PFKFB3: variants seen among roughly 807,000 people sequenced by gnomAD.
The protein encoded by PFKFB3 is 6-phosphofructo-2-kinase/fructose-2,6-biphosphatase 3.
Under a neutral mutation model 68.0 loss-of-function variants are expected in PFKFB3, and 33 were observed. The observed-to-expected ratio is 0.49, with a 90% CI of 0.37 to 0.65. PFKFB3 has a LOEUF of 0.65. Among genes scored for constraint, PFKFB3 ranks in the 30% least tolerant of loss-of-function variants. PFKFB3 has a pLI of 0.00. For missense variants in PFKFB3, 586 were observed against 712.2 expected (o/e 0.82, Z 2.02); for synonymous variants, 315 against 288.2 (o/e 1.09, Z -0.94).
the PFKFB3 span, among the ~76,000 whole-genome samples, chr10:6,305,175 A>T: frequency 2.3e-4 from 32 of 137,314 alleles, no homozygotes; most frequent in Non-Finnish European, 4.1e-4. Context: ...GTAAATTAAA[A>T]ATATTAGGAA....
chr10:6,191,655 G>T (rs1204398966), intron 1 of PFKFB3, among the ~76,000 whole-genome samples: 1 of 152,198 alleles, frequency 6.6e-6, no homozygotes, highest in African/African-American at 2.4e-5. Context: ...TGTTGGGGAA[G>T]TCCCTCTGGA....
At chr10:6,280,663 G>T in the PFKFB3 span, among the ~76,000 whole-genome samples, 1 of 152,170 alleles carries the variant, frequency 6.6e-6, no homozygotes, top group Non-Finnish European at 1.5e-5. Flanking sequence ...ATAGAGAGGG[G>T]CATGAGGCTC....
chr10:6,277,960 A>G, the PFKFB3 span, among the ~76,000 whole-genome samples: 1 of 151,148 alleles, frequency 6.6e-6, no homozygotes, highest in African/African-American at 2.4e-5. Flanking sequence ...CTCTGTCATC[A>G]AGCTGGAGTG....
intron 1 of PFKFB3, among the ~76,000 whole-genome samples, chr10:6,159,220 C>A (rs1841897998): frequency 6.6e-6 from 1 of 151,762 alleles, no homozygotes; most frequent in African/African-American, 2.4e-5. Flanking sequence ...CATGGTGAAA[C>A]CCTGTTTCTA....
chr10:6,227,403 C>A (rs2132023129), intron 14 of PFKFB3, among the ~76,000 whole-genome samples: 1 of 152,298 alleles, frequency 6.6e-6, no homozygotes, highest in South Asian at 2.1e-4. Flanking sequence ...CTCTGAGCAT[C>A]CTTTTCAGCC....
intron 10 of PFKFB3, 139 bp from the exon 11 acceptor site, chr10:6,222,716 C>T: frequency 1.1e-6 from 1 of 917,854 alleles, no homozygotes; most frequent in Non-Finnish European, 1.6e-6. Context: ...CACGTTAAAC[C>T]CTGCTCCTTC....
chr10:6,144,973 C>T, exon 1 of PFKFB3: 1 of 1,293,474 alleles, frequency 7.7e-7, no homozygotes, highest in Non-Finnish European at 9.8e-7. Context: ...CGCGGGCCGG[C>T]CCCGCGGGGA....
downstream of PFKFB3, among the ~76,000 whole-genome samples, chr10:6,258,683 T>C (rs1025445020): frequency 6.6e-6 from 1 of 152,238 alleles, no homozygotes; most frequent in African/African-American, 2.4e-5. Flanking sequence ...GGATGTTCAT[T>C]AGCTTAGCCT....
chr10:6,292,353 C>T, the PFKFB3 span, among the ~76,000 whole-genome samples: 7 of 130,706 alleles, frequency 5.4e-5, no homozygotes, highest in South Asian at 2.5e-4. Flanking sequence ...GGCGCAATCT[C>T]GGCTCACTGC....
chr10:6,151,973 T>TAA (rs71294421), intron 1 of PFKFB3, among the ~76,000 whole-genome samples: 35,215 of 141,186 alleles, frequency 0.25, 4,489 homozygotes, highest in East Asian at 0.44. Context: ...ACTGGGGAGC[T>TAA]AAAAAAAAAA....
chr10:6,225,350 G>A (rs1845270869), intron 13 of PFKFB3: 6 of 392,758 alleles, frequency 1.5e-5, no homozygotes, highest in Non-Finnish European at 3.1e-5. Flanking sequence ...GGGCTGACCT[G>A]AGAGAGGCTG....
chr10:6,148,711 A>G (rs1467906668), intron 1 of PFKFB3, among the ~76,000 whole-genome samples: 1 of 152,226 alleles, frequency 6.6e-6, no homozygotes, highest in Non-Finnish European at 1.5e-5. Flanking sequence ...CATGCATATC[A>G]TGACTAACTT....
At chr10:6,280,238 C>T in the PFKFB3 span, among the ~76,000 whole-genome samples, 1 of 152,214 alleles carries the variant, frequency 6.6e-6, no homozygotes, top group African/African-American at 2.4e-5. Flanking sequence ...TGACATAGTC[C>T]TTTATTAAGC....
At chr10:6,297,171 T>C in the PFKFB3 span, among the ~76,000 whole-genome samples, 1 of 152,224 alleles carries the variant, frequency 6.6e-6, no homozygotes, top group African/African-American at 2.4e-5. Context: ...CAGTGGAGCA[T>C]AAACAGATTC....
intron 1 of PFKFB3, among the ~76,000 whole-genome samples, chr10:6,171,167 C>T (rs1349280099): frequency 6.6e-6 from 1 of 152,116 alleles, no homozygotes; most frequent in African/African-American, 2.4e-5. Context: ...CCTGCCCCAG[C>T]CTCCCGAGTA....
chr10:6,187,198 T>TA (rs770875957), intron 1 of PFKFB3, among the ~76,000 whole-genome samples: 58 of 142,078 alleles, frequency 4.1e-4, no homozygotes, highest in Middle Eastern at 3.7e-3. Flanking sequence ...CTGTTTCTAC[T>TA]AAAAAAAAAA....
intron 14 of PFKFB3, among the ~76,000 whole-genome samples, chr10:6,227,022 G>A (rs1053969174): frequency 2.6e-5 from 4 of 151,920 alleles, no homozygotes; most frequent in African/African-American, 9.7e-5. Flanking sequence ...GGAGGCGGAG[G>A]TTGCAGTGAG....
Position 6,228,426 on chromosome 10 carries a change from T to A in PFKFB3, c.1515+2061T>A. On this transcript the variant is annotated intron_variant, in intron 14 of 14. Transcript: ENST00000379775. This position sits in a 1 kb window ranked among gnomAD's most constrained non-coding sequence, Gnocchi z 4.5. ...GTGCAGGCGGTCATGGTGGCTGCACTACTGTTGGGTGTGTTCCGACACCGC... is the reference window on the plus strand; with the variant it reads ...GTGCAGGCGGTCATGGTGGCTGCACAACTGTTGGGTGTGTTCCGACACCGC... The A allele has an allele frequency of 3.1e-6, 2 of 642,654 alleles. No individual in the cohort carries two copies. Among genetic ancestry groups the A allele is most frequent in the Non-Finnish European group, 5.6e-6 (2 of 354,608 alleles). The allele number at this position is 642,654 out of a possible 1,614,324, so 39.8% of individuals were successfully genotyped here.
At position 6,220,066 on chromosome 10, in the gene PFKFB3, T is replaced by C. The variant is rs1255222856; in HGVS notation, c.623+373T>C. 1.3e-5 allele frequency among the ~76,000 whole-genome samples: 2 copies of C among 152,102 alleles called. No homozygotes were observed. Among genetic ancestry groups the C allele is most frequent in the African/African-American group, 4.8e-5 (2 of 41,350 alleles). On this transcript the variant is annotated intron_variant, in intron 7 of 14. Transcript: ENST00000379775. The surrounding 1 kb of genome is among the most constrained non-coding windows in gnomAD (Gnocchi z 4.1). ...GTTCCTTTCTTTTTTCTTTCCTTTC[T>C]TTCCATTTATTTATTTATTTATTTA...
Sources: allele counts gnomAD v4.1 joint callset (sites outside exome capture counted in the v4.1 genomes callset), GRCh38; gene constraint gnomAD v4.1.1; non-coding constraint Gnocchi (gnomAD v3.1); transcripts MANE v1.5; gene names NCBI Gene and HGNC (gene_info 2026-07-23, HGNC 2026-07-21).